The following CCSER1 variants were observed in gnomAD, a reference collection of about 807,000 sequenced individuals.
The protein encoded by CCSER1 is coiled-coil serine rich protein 1, also known as serine-rich coiled-coil domain-containing protein 1.
A neutral mutation model predicts 82.0 loss-of-function variants in CCSER1; 41 were observed. The observed-to-expected ratio is 0.50, with a 90% CI of 0.39 to 0.65. CCSER1 has a LOEUF of 0.65. CCSER1 is among the 30% of genes least tolerant of loss of function. The probability of loss-of-function intolerance (pLI) is 0.00; values close to 1 mark genes in which losing one functional copy is unlikely to be tolerated. For missense variants in CCSER1, 1,119 were observed against 1,064.2 expected (o/e 1.05, Z -0.72); for synonymous variants, 414 against 383.9 (o/e 1.08, Z -0.92).
At position 91,366,300 on chromosome 4, in the gene CCSER1, C is replaced by T. The variant is rs558985648; in HGVS notation, c.2218-232272C>T. On this transcript the variant is annotated intron_variant, in intron 10 of 10. Transcript: ENST00000509176. The stretch of plus-strand genomic sequence containing the variant: ...CCTCCCAAAGTGCTGGGATTACAGG[C>T]GTGAGCCACTGTGCCTGGACCTCTC... Among the ~76,000 whole-genome samples the T allele has an allele frequency of 3.9e-5, 6 of 152,270 alleles. No homozygotes were observed. In the South Asian group the frequency reaches 6.2e-4, roughly 16 times the overall value.
chr4:90,790,064 C>A (rs1417285752), intron 7 of CCSER1, among the ~76,000 whole-genome samples: 1 of 152,152 alleles, frequency 6.6e-6, no homozygotes, highest in Non-Finnish European at 1.5e-5. Flanking sequence ...CTACTCCACC[C>A]ATATCTGTAG....
At chr4:90,930,168 T>C (rs747436171) in intron 9 of CCSER1, among the ~76,000 whole-genome samples, 1 of 152,192 alleles carries the variant, frequency 6.6e-6, no homozygotes, top group African/African-American at 2.4e-5. Flanking sequence ...GGAAAATTTC[T>C]CTCTGTCCAC....
intron 10 of CCSER1, among the ~76,000 whole-genome samples, chr4:91,445,742 C>A (rs1276105564): frequency 6.6e-6 from 1 of 151,996 alleles, no homozygotes; most frequent in Non-Finnish European, 1.5e-5. Flanking sequence ...TATATTACCC[C>A]CAAATTTGCA....
chr4:91,462,419 C>G (rs1756560595), intron 10 of CCSER1, among the ~76,000 whole-genome samples: 1 of 152,092 alleles, frequency 6.6e-6, no homozygotes, highest in Admixed American at 6.6e-5. Context: ...TAGTCTACAG[C>G]TCCTAGCGTC....
chr4:91,137,700 C>T (rs1361249796), intron 10 of CCSER1, among the ~76,000 whole-genome samples: 1 of 151,464 alleles, frequency 6.6e-6, no homozygotes, highest in African/African-American at 2.4e-5. Context: ...TAATGATTGC[C>T]ATTCTAACTG....
rs971396002 is a variant in CCSER1, at chr4:90,381,393, G to A, written c.1510-18643G>A. On this transcript the variant is annotated intron_variant, in intron 3 of 10. Coordinates refer to ENST00000509176, the MANE Select transcript of CCSER1 (RefSeq NM_001145065.2). ...TTTTGGAACTAATGGTATATTTTAC[G>A]GGAAAATGGTGAAAACAACAGCTTT... 5.9e-5 allele frequency among the ~76,000 whole-genome samples: 9 copies of A among 152,072 alleles called. No individual in the cohort carries two copies. In the East Asian group the frequency reaches 9.7e-4, roughly 16 times the overall value.
At chr4:90,687,869 T>G (rs1275679214) in intron 6 of CCSER1, among the ~76,000 whole-genome samples, 1 of 152,114 alleles carries the variant, frequency 6.6e-6, no homozygotes, top group East Asian at 1.9e-4. Context: ...GGGAAATACT[T>G]TTCTGGAAAA....
In CCSER1 at chr4:90,815,468, C is replaced by T. The variant is rs148874440; in HGVS notation, c.2011-294C>T. Among the ~76,000 whole-genome samples the T allele has an allele frequency of 5.5e-3, 825 of 150,964 alleles. 7 individuals carry two copies. Among genetic ancestry groups the T allele is most frequent in the African/African-American group, 0.018 (744 of 41,164 alleles). ...TGGTTTCTGTCATAGGCAAATAAATCGATAGAGGAATACCAAAAACAAAAC... is the reference window on the plus strand; with the variant it reads ...TGGTTTCTGTCATAGGCAAATAAATTGATAGAGGAATACCAAAAACAAAAC... On this transcript the variant is annotated intron_variant, in intron 7 of 10. Transcript: ENST00000509176.
chr4:91,423,481 T>G (rs1753798025), intron 10 of CCSER1, among the ~76,000 whole-genome samples: 2 of 151,964 alleles, frequency 1.3e-5, no homozygotes, highest in African/African-American at 4.8e-5. Context: ...TAAGCATAAT[T>G]AGGAACCTGA....
chr4:90,878,943 T>G (rs1354803753), intron 8 of CCSER1, among the ~76,000 whole-genome samples: 1 of 152,240 alleles, frequency 6.6e-6, no homozygotes, highest in South Asian at 2.1e-4. Context: ...GGCATTTTTT[T>G]GAACAGAAAT....
chr4:90,604,550 G>A (rs568872789), intron 5 of CCSER1, among the ~76,000 whole-genome samples: 62 of 152,196 alleles, frequency 4.1e-4, no homozygotes, highest in Non-Finnish European at 7.2e-4. Flanking sequence ...TATTGTTACA[G>A]CATTAATTAT....
chr4:90,597,529 A>AT (rs1021750850), intron 5 of CCSER1, among the ~76,000 whole-genome samples: 2 of 151,866 alleles, frequency 1.3e-5, no homozygotes, highest in South Asian at 2.1e-4. Flanking sequence ...ATTTTCTTTA[A>AT]TTTTTTTTAA....
chr4:90,469,571 C>T (rs1435844827), intron 5 of CCSER1, among the ~76,000 whole-genome samples: 1 of 122,448 alleles, frequency 8.2e-6, no homozygotes, highest in Non-Finnish European at 1.6e-5. Flanking sequence ...ACACACATTT[C>T]CTTATCTTTT....
intron 10 of CCSER1, among the ~76,000 whole-genome samples, chr4:91,201,889 A>G (rs62310736): frequency 0.037 from 5,703 of 152,142 alleles, 179 homozygotes; most frequent in African/African-American, 0.08. Flanking sequence ...GGAGCCAAAT[A>G]TGGTTATTAA....
chr4:91,247,194 CAGG>C (rs1739862241), intron 10 of CCSER1, among the ~76,000 whole-genome samples: 2 of 150,674 alleles, frequency 1.3e-5, no homozygotes, highest in Admixed American at 6.6e-5. Context: ...CCCAGCTACT[CAGG>C]AGGCTGAGGC....
chr4:90,781,308 C>CA (rs1753747281), intron 7 of CCSER1: 8 of 985,138 alleles, frequency 8.1e-6, no homozygotes, highest in Non-Finnish European at 9.6e-6. Flanking sequence ...GTGCTGAGCT[C>CA]AAAAAATAGT....
chr4:90,218,891 G>A (rs772118673), intron 1 of CCSER1, among the ~76,000 whole-genome samples: 4 of 152,016 alleles, frequency 2.6e-5, no homozygotes, highest in Non-Finnish European at 5.9e-5. Flanking sequence ...TGTCTATGGA[G>A]TAGGATGCCT....
intron 1 of CCSER1, among the ~76,000 whole-genome samples, chr4:90,132,037 A>G (rs1245915969): frequency 2.6e-5 from 4 of 152,236 alleles, no homozygotes; most frequent in African/African-American, 9.6e-5. Context: ...ATAAATAACC[A>G]AATGGAATTA....
chr4:91,187,925 T>C (rs1734698467), intron 10 of CCSER1, among the ~76,000 whole-genome samples: 1 of 152,162 alleles, frequency 6.6e-6, no homozygotes, highest in Non-Finnish European at 1.5e-5. Context: ...TTTTATGTAA[T>C]AGATGTTTTG....
Sources: allele counts gnomAD v4.1 joint callset (sites outside exome capture counted in the v4.1 genomes callset), GRCh38; gene constraint gnomAD v4.1.1; transcripts MANE v1.5; gene names NCBI Gene and HGNC (gene_info 2026-07-23, HGNC 2026-07-21).